SCHIP1: variants seen among roughly 807,000 people sequenced by gnomAD.
SCHIP1 encodes schwannomin interacting protein 1, also known as schwannomin-interacting protein 1.
Under a neutral mutation model 29.7 loss-of-function variants are expected in SCHIP1, and 8 were observed. That is an observed-to-expected ratio of 0.27 (90% CI 0.16 to 0.49). SCHIP1 has a LOEUF of 0.49. SCHIP1 is among the 20% of genes least tolerant of loss of function. SCHIP1 has a pLI of 0.99. For missense variants in SCHIP1, 193 were observed against 294.6 expected (o/e 0.66, Z 2.52); for synonymous variants, 76 against 94.9 (o/e 0.80, Z 1.16).
At chr3:159,827,025 C>A in the SCHIP1 span, among the ~76,000 whole-genome samples, 2 of 152,172 alleles carry the variant, frequency 1.3e-5, no homozygotes, top group African/African-American at 4.8e-5. Context: ...AAATAATTTA[C>A]TTCTAAAAGA....
the SCHIP1 span, among the ~76,000 whole-genome samples, chr3:159,626,141 T>TCGATCG: frequency 1.0e-3 from 97 of 95,618 alleles, 1 homozygote; most frequent in Non-Finnish European, 1.4e-3. Flanking sequence ...TAGATAGATA[T>TCGATCG]ATCTAGATAT....
the SCHIP1 span, among the ~76,000 whole-genome samples, chr3:159,316,121 T>TTCTTTGGA: frequency 6.8e-6 from 1 of 147,522 alleles, no homozygotes; most frequent in African/African-American, 2.7e-5. Flanking sequence ...ATGGTAGGAT[T>TTCTTTGGA]TCTTTGGTTC....
chr3:159,312,021 C>T, the SCHIP1 span, among the ~76,000 whole-genome samples: 1 of 152,116 alleles, frequency 6.6e-6, no homozygotes, highest in Non-Finnish European at 1.5e-5. Flanking sequence ...GCCTAGACAA[C>T]ACAACATAAA....
the SCHIP1 span, among the ~76,000 whole-genome samples, chr3:159,785,167 C>T: frequency 1.3e-5 from 2 of 152,104 alleles, no homozygotes; most frequent in Admixed American, 6.5e-5. Context: ...TTTTTTTCTC[C>T]AGCCACTTTT....
the SCHIP1 span, among the ~76,000 whole-genome samples, chr3:159,494,728 G>T: frequency 6.6e-6 from 1 of 152,162 alleles, no homozygotes; most frequent in African/African-American, 2.4e-5. Context: ...AATAGAAAAA[G>T]AGGGAATCCT....
At chr3:159,352,444 G>A in the SCHIP1 span, among the ~76,000 whole-genome samples, 6 of 152,262 alleles carry the variant, frequency 3.9e-5, no homozygotes, top group South Asian at 4.2e-4. Flanking sequence ...TTGCGTATCC[G>A]TTACCTAATT....
At chr3:159,572,252 G>T in the SCHIP1 span, among the ~76,000 whole-genome samples, 2 of 152,028 alleles carry the variant, frequency 1.3e-5, no homozygotes, top group East Asian at 1.9e-4. Context: ...TCTCTTGTGG[G>T]CATTTAGTGC....
At chr3:159,486,803 G>A in the SCHIP1 span, among the ~76,000 whole-genome samples, 3 of 152,212 alleles carry the variant, frequency 2.0e-5, no homozygotes, top group African/African-American at 7.2e-5. Context: ...TTTTCAGTCT[G>A]TAGCTTTTGT....
At chr3:159,753,235 A>G in the SCHIP1 span, among the ~76,000 whole-genome samples, 3 of 152,182 alleles carry the variant, frequency 2.0e-5, no homozygotes, top group African/African-American at 4.8e-5. Context: ...TCCCATCTTT[A>G]TATCTTCAGC....
chr3:159,810,105 G>A, the SCHIP1 span, among the ~76,000 whole-genome samples: 18,717 of 152,270 alleles, frequency 0.12, 1,601 homozygotes, highest in African/African-American at 0.24. Flanking sequence ...GAGTGCAGTG[G>A]CGTGATCTCA....
the SCHIP1 span, among the ~76,000 whole-genome samples, chr3:159,645,945 T>C: frequency 6.6e-6 from 1 of 152,138 alleles, no homozygotes; most frequent in Non-Finnish European, 1.5e-5. Flanking sequence ...CTGTGGAATA[T>C]AAGAGTAAAT....
chr3:159,409,339 C>G, the SCHIP1 span, among the ~76,000 whole-genome samples: 1 of 151,840 alleles, frequency 6.6e-6, no homozygotes, highest in Non-Finnish European at 1.5e-5. Flanking sequence ...TGAGAGAAGT[C>G]AAATTATCCT....
the SCHIP1 span, among the ~76,000 whole-genome samples, chr3:159,463,909 GAC>G: frequency 9.9e-5 from 15 of 151,972 alleles, no homozygotes; most frequent in African/African-American, 3.6e-4. Flanking sequence ...CAATGTATTT[GAC>G]AGTTTCATAA....
At chr3:159,392,145 G>T in the SCHIP1 span, among the ~76,000 whole-genome samples, 1 of 152,022 alleles carries the variant, frequency 6.6e-6, no homozygotes, top group Non-Finnish European at 1.5e-5. Context: ...CCCCTTAGTT[G>T]CCTGTCATCA....
At chr3:159,800,394 CT>C in the SCHIP1 span, among the ~76,000 whole-genome samples, 1 of 152,224 alleles carries the variant, frequency 6.6e-6, no homozygotes, top group South Asian at 2.1e-4. Flanking sequence ...GGGCTGCCCC[CT>C]CCCTCACTAA....
the SCHIP1 span, among the ~76,000 whole-genome samples, chr3:159,655,893 G>T: frequency 1.3e-5 from 2 of 151,874 alleles, no homozygotes; most frequent in Non-Finnish European, 2.9e-5. Flanking sequence ...CGTCTCAGAA[G>T]AAAAAAAATA....
At chr3:159,294,641 C>T in the SCHIP1 span, among the ~76,000 whole-genome samples, 33 of 152,274 alleles carry the variant, frequency 2.2e-4, 1 homozygote, top group East Asian at 6.2e-3. Context: ...TTTACAGTTA[C>T]TTTTCTGTGA....
chr3:159,275,867 A>T, the SCHIP1 span, among the ~76,000 whole-genome samples: 2 of 152,050 alleles, frequency 1.3e-5, no homozygotes, highest in African/African-American at 4.8e-5. Context: ...GTGGTAGCAG[A>T]TGTATGTGAA....
the SCHIP1 span, among the ~76,000 whole-genome samples, chr3:159,637,755 A>G: frequency 0.011 from 1,620 of 152,340 alleles, 33 homozygotes; most frequent in African/African-American, 0.038. Context: ...GTTGCTTTCA[A>G]TAAAACATAT....
Sources: gnomAD v4.1 joint callset for allele counts (sites outside exome capture counted in the v4.1 genomes callset) on GRCh38, gnomAD v4.1.1 for gene constraint, MANE v1.5 for transcripts, NCBI Gene and HGNC (gene_info 2026-07-23, HGNC 2026-07-21) for gene names.